The following PLEKHG1 variants were observed in gnomAD, a reference collection of about 807,000 sequenced individuals.
The protein encoded by PLEKHG1 is pleckstrin homology and RhoGEF domain containing G1, also known as pleckstrin homology domain-containing family G member 1.
A neutral mutation model predicts 100.8 loss-of-function variants in PLEKHG1; 44 were observed. That is an observed-to-expected ratio of 0.44 (90% confidence interval 0.34 to 0.56). The LOEUF is 0.56. PLEKHG1 is among the 20% of genes least tolerant of loss of function. The pLI is 0.01. For missense variants in PLEKHG1, 1,545 were observed against 1,720.9 expected, an observed-to-expected ratio of 0.90 and a Z score of 1.81; for synonymous variants, 640 against 662.5, an observed-to-expected ratio of 0.97 and a Z score of 0.52.
chr6:150,734,128 G>A (rs1332474737), intron 2 of PLEKHG1, 36 bp downstream of exon 3: 6 of 1,567,494 alleles, frequency 3.8e-6, no homozygotes, highest in Non-Finnish European at 5.2e-6. Flanking sequence ...TTGCCATGCA[G>A]GAGAAATATG....
chr6:150,638,581 A>G (rs1274255397), intron 2 of PLEKHG1, among the ~76,000 whole-genome samples: 3 of 152,242 alleles, frequency 2.0e-5, no homozygotes, highest in Non-Finnish European at 4.4e-5. Flanking sequence ...AGAGGACAAG[A>G]AAATTCCCAA....
chr6:150,721,746 C>T (rs867121965), intron 1 of PLEKHG1, among the ~76,000 whole-genome samples: 4 of 152,076 alleles, frequency 2.6e-5, no homozygotes, highest in African/African-American at 7.2e-5. Flanking sequence ...GTAAGAAACA[C>T]TTTTGTGAGG....
intron 3 of PLEKHG1, among the ~76,000 whole-genome samples, chr6:150,660,450 C>T (rs921548142): frequency 1.2e-4 from 18 of 152,166 alleles, no homozygotes; most frequent in African/African-American, 4.3e-4. Flanking sequence ...ACATGTTTCT[C>T]TCCAGCCTCT....
chr6:150,739,397 G>C (rs1782732090), intron 2 of PLEKHG1, among the ~76,000 whole-genome samples: 2 of 152,158 alleles, frequency 1.3e-5, no homozygotes, highest in South Asian at 4.1e-4. Context: ...GCCAGGAGCA[G>C]TGGCTCATGC....
intron 3 of PLEKHG1, among the ~76,000 whole-genome samples, chr6:150,776,025 C>T (rs1798871286): frequency 6.6e-6 from 1 of 152,090 alleles, no homozygotes. Context: ...GGGGCCGCAT[C>T]CTCGAATCTC....
chr6:150,830,146 G>A (rs1240029347), intron 14 of PLEKHG1, among the ~76,000 whole-genome samples: 1 of 152,164 alleles, frequency 6.6e-6, no homozygotes, highest in East Asian at 1.9e-4. Flanking sequence ...GATAGAGCAA[G>A]TTACTGAACC....
chr6:150,694,299 T>G (rs1487918194), intron 3 of PLEKHG1, among the ~76,000 whole-genome samples: 1 of 152,242 alleles, frequency 6.6e-6, no homozygotes, highest in Non-Finnish European at 1.5e-5. Context: ...ATTTGAAAAT[T>G]ATTTCATCTC....
At position 150,650,551 on chromosome 6, in the gene PLEKHG1, A is replaced by G. The variant is rs563412568; in HGVS notation, c.-157-177A>G. 1.4e-4 allele frequency among the ~76,000 whole-genome samples: 21 copies of G among 152,314 alleles called. No homozygotes were observed. In the South Asian group the frequency reaches 3.1e-3, roughly 23 times the overall value. On this transcript the variant is annotated intron_variant, in intron 2 of 3. Transcript: ENST00000367326. Reference sequence around the variant, plus strand: ...TGTTTATGATTACTGCTATAGGCCTATTACAGTCCAGTAGCATGATATGGC... The same window carrying G: ...TGTTTATGATTACTGCTATAGGCCTGTTACAGTCCAGTAGCATGATATGGC...
intron 11 of PLEKHG1, 44 bp downstream of exon 12, chr6:150,818,260 T>C: frequency 2.3e-6 from 3 of 1,301,632 alleles, no homozygotes; most frequent in Non-Finnish European, 3.3e-6. Flanking sequence ...TCATTGTCTG[T>C]TTGTATCTAT....
chr6:150,718,166 C>T (rs573718279), upstream of PLEKHG1, among the ~76,000 whole-genome samples: 2 of 152,252 alleles, frequency 1.3e-5, no homozygotes, highest in Admixed American at 6.5e-5. Context: ...ATAAATTATA[C>T]AGCAAAAAGT....
At chr6:150,761,451 G>A (rs1784157245) in intron 2 of PLEKHG1, among the ~76,000 whole-genome samples, 1 of 152,046 alleles carries the variant, frequency 6.6e-6, no homozygotes, top group South Asian at 2.1e-4. Flanking sequence ...GATATTACAG[G>A]CCTGTGCCAC....
chr6:150,766,009 C>A (rs1335737785), intron 2 of PLEKHG1, among the ~76,000 whole-genome samples: 2 of 152,106 alleles, frequency 1.3e-5, no homozygotes, highest in African/African-American at 4.8e-5. Context: ...ACACATATTA[C>A]AAGGAATGAA....
At chr6:150,840,575 C>G in exon 16 of PLEKHG1, 1 of 1,614,144 alleles carries the variant, frequency 6.2e-7, no homozygotes, top group Non-Finnish European at 8.5e-7. Context: ...ATGAAGATGA[C>G]TATGTGGAAA....
At chr6:150,755,334 C>A (rs1356154120) in intron 2 of PLEKHG1, among the ~76,000 whole-genome samples, 1 of 152,194 alleles carries the variant, frequency 6.6e-6, no homozygotes, top group African/African-American at 2.4e-5. Flanking sequence ...GACTCTCTGC[C>A]AACGTTGATG....
intron 3 of PLEKHG1, among the ~76,000 whole-genome samples, chr6:150,702,282 C>A (rs1446992288): frequency 6.6e-6 from 1 of 152,048 alleles, no homozygotes; most frequent in East Asian, 1.9e-4. Flanking sequence ...CCAGCCTGCC[C>A]AGCATGGTGA....
At chr6:150,728,530 T>C (rs563129763) in intron 1 of PLEKHG1, among the ~76,000 whole-genome samples, 1 of 152,022 alleles carries the variant, frequency 6.6e-6, no homozygotes, top group Non-Finnish European at 1.5e-5. Context: ...GAGCCATGAT[T>C]GTGCCACTGC....
At chr6:150,761,099 C>CTTTTTTTTTTTTTTT (rs35068801) in intron 2 of PLEKHG1, among the ~76,000 whole-genome samples, 2 of 95,950 alleles carry the variant, frequency 2.1e-5, no homozygotes, top group African/African-American at 4.2e-5. Context: ...TTCTTTTTTT[C>CTTTTTTTTTTTTTTT]TTTTTTTTTT....
chr6:150,724,413 G>A (rs9478129), intron 1 of PLEKHG1, among the ~76,000 whole-genome samples: 44,233 of 151,948 alleles, frequency 0.29, 7,856 homozygotes, highest in African/African-American at 0.49. Flanking sequence ...TGGTAACACA[G>A]TGGATGGTTC....
At chr6:150,821,935 A>AGGTTCTGCCTCCCG (rs1436562374) in intron 13 of PLEKHG1, among the ~76,000 whole-genome samples, 1 of 150,210 alleles carries the variant, frequency 6.7e-6, no homozygotes, top group African/African-American at 2.4e-5. Context: ...TCTGCCTCCC[A>AGGTTCTGCCTCCCG]GGTTCAAGTG....
Sources: gnomAD v4.1 joint callset for allele counts (sites outside exome capture counted in the v4.1 genomes callset) on GRCh38, gnomAD v4.1.1 for gene constraint, MANE v1.5 for transcripts, NCBI Gene and HGNC (gene_info 2026-07-23, HGNC 2026-07-21) for gene names.